ZCWPW2: variants seen among roughly 807,000 people sequenced by gnomAD.
ZCWPW2 encodes zinc finger CW-type and PWWP domain containing 2.
Under a neutral mutation model 46.6 loss-of-function variants are expected in ZCWPW2, and 45 were observed. The ratio of observed to expected loss-of-function variants is 0.96; its 90% CI spans 0.76 to 1.24. The LOEUF is 1.24. ZCWPW2 is among the 50% of genes most tolerant of loss of function. ZCWPW2 has a pLI of 0.00. For synonymous variants in ZCWPW2, 152 were observed against 137.1 expected (o/e 1.11, Z -0.76); for missense variants, 429 against 403.9 (o/e 1.06, Z -0.53).
At chr3:28,369,855 G>T (rs1297817032) in intron 1 of ZCWPW2, among the ~76,000 whole-genome samples, 2 of 152,200 alleles carry the variant, frequency 1.3e-5, no homozygotes, top group Non-Finnish European at 2.9e-5. Context: ...CCTCAGCAAT[G>T]GTGGGGGCCC....
intron 9 of ZCWPW2, among the ~76,000 whole-genome samples, chr3:28,523,659 G>T (rs549177230): frequency 6.6e-6 from 1 of 152,072 alleles, no homozygotes; most frequent in South Asian, 2.1e-4. Flanking sequence ...ATTATCTCAG[G>T]CATTTACATC....
At chr3:28,479,383 TA>T (rs1247687321) in intron 5 of ZCWPW2, among the ~76,000 whole-genome samples, 7 of 151,580 alleles carry the variant, frequency 4.6e-5, no homozygotes, top group East Asian at 1.9e-4. Context: ...ACTTCAACTT[TA>T]AAAAAAAACT....
chr3:28,375,584 C>T (rs762189821), intron 1 of ZCWPW2, among the ~76,000 whole-genome samples: 1 of 151,978 alleles, frequency 6.6e-6, no homozygotes, highest in Non-Finnish European at 1.5e-5. Context: ...CTGAAATAAG[C>T]ATACCATGGA....
rs111383620 is a variant in ZCWPW2 at position 28,352,126 on chromosome 3, G to GCACACACACACA, written c.-134+2953_-134+2964dup. Among the ~76,000 whole-genome samples, 108 of 129,702 alleles carry GCACACACACACA rather than the reference G, an allele frequency of 8.3e-4. 1 individual carries two copies. Among genetic ancestry groups the GCACACACACACA allele is most frequent in the African/African-American group, 2.3e-3 (79 of 34,530 alleles). 85.1% of individuals were successfully genotyped at this position (129,702 alleles called of 152,430 possible). ...TCCTTTCCCTCTATCTCAGATGTAT[G>GCACACACACACA]CACACACACACACACACACACACAC... On this transcript the variant is annotated intron_variant, in intron 1 of 9. Transcript: ENST00000383768.
intron 8 of ZCWPW2, 69 bp from the exon 9 acceptor site, chr3:28,520,923 T>C (rs1700705269): frequency 1.9e-6 from 3 of 1,571,090 alleles, no homozygotes; most frequent in South Asian, 1.2e-5. Context: ...TTCTGGGTAG[T>C]TAAGATTATG....
At chr3:28,523,792 G>T (rs1464849986) in intron 9 of ZCWPW2, among the ~76,000 whole-genome samples, 1 of 151,974 alleles carries the variant, frequency 6.6e-6, no homozygotes, top group Non-Finnish European at 1.5e-5. Flanking sequence ...TCCTAATTAT[G>T]TTCTTCTTAA....
rs753159242 is a variant in ZCWPW2 at position 28,520,996 on chromosome 3, C to T, written c.789C>T (p.Val263=). 2 of 1,612,854 alleles carry T rather than the reference C, an allele frequency of 1.2e-6. No homozygotes were observed. The highest frequency in any genetic ancestry group is 1.3e-5 in the African/African-American group (1 of 74,824). ...GTATTAATCCTGTTTTTTTAGTTGT[C>T]TGTGAGACGGAAGTTTTACTAAAAG... ...DDALSKENRV[V]CETEVLLKEL... is the part of the protein sequence containing the mutation. The change falls in exon 9 of 10, where the codon GTC becomes GTT. Residue 263 remains valine (V), a synonymous_variant. Coordinates refer to ENST00000383768, the MANE Select transcript of ZCWPW2 (RefSeq NM_001040432.4).
At chr3:28,489,594 T>G (rs1160703172) in intron 5 of ZCWPW2, among the ~76,000 whole-genome samples, 2 of 152,014 alleles carry the variant, frequency 1.3e-5, no homozygotes, top group Non-Finnish European at 2.9e-5. Context: ...ATATAATCAC[T>G]AAAGTGTTTT....
chr3:28,398,702 G>C (rs1428419643), intron 2 of ZCWPW2, among the ~76,000 whole-genome samples: 2 of 152,156 alleles, frequency 1.3e-5, no homozygotes, highest in African/African-American at 2.4e-5. Context: ...ATTACGGGAG[G>C]AGATGCCGTC....
intron 1 of ZCWPW2, among the ~76,000 whole-genome samples, chr3:28,350,256 A>G (rs1407514508): frequency 2.0e-5 from 3 of 152,230 alleles, no homozygotes; most frequent in African/African-American, 4.8e-5. Context: ...ATCACAAGTT[A>G]TTAGAAATAA....
At chr3:28,520,800 T>C (rs1414832997) in intron 8 of ZCWPW2, among the ~76,000 whole-genome samples, 192 bp from the exon 9 acceptor site, 2 of 152,240 alleles carry the variant, frequency 1.3e-5, no homozygotes, top group Admixed American at 1.3e-4. Context: ...CAAGGAAGAA[T>C]TGTAAAAGAC....
intron 2 of ZCWPW2, among the ~76,000 whole-genome samples, chr3:28,400,132 AAAATGCTCTGG>A (rs756167040): frequency 3.9e-5 from 6 of 152,190 alleles, no homozygotes; most frequent in Non-Finnish European, 5.9e-5. Context: ...ATAGAAATGC[AAAATGCTCTGG>A]AAAGTCTCAG....
chr3:28,506,684 C>A (rs180835510), intron 6 of ZCWPW2, among the ~76,000 whole-genome samples: 3 of 152,204 alleles, frequency 2.0e-5, no homozygotes, highest in Admixed American at 2.0e-4. Flanking sequence ...ATACAGATTT[C>A]TATCCTATAT....
chr3:28,358,429 A>G (rs1159511194), intron 1 of ZCWPW2, among the ~76,000 whole-genome samples: 1 of 152,130 alleles, frequency 6.6e-6, no homozygotes, highest in Non-Finnish European at 1.5e-5. Flanking sequence ...AATGTCTTGG[A>G]TTATCATTGA....
At chr3:28,385,102 T>C (rs1036925456) in intron 1 of ZCWPW2, among the ~76,000 whole-genome samples, 2 of 152,238 alleles carry the variant, frequency 1.3e-5, no homozygotes, top group Non-Finnish European at 2.9e-5. Flanking sequence ...GGGGGACATA[T>C]TAAGATGATC....
At chr3:28,377,331 A>G (rs959147295) in intron 1 of ZCWPW2, among the ~76,000 whole-genome samples, 10 of 152,222 alleles carry the variant, frequency 6.6e-5, no homozygotes, top group African/African-American at 1.7e-4. Flanking sequence ...AACAATCATT[A>G]TGCAGTTCTC....
At chr3:28,446,362 A>T (rs990739907) in intron 4 of ZCWPW2, among the ~76,000 whole-genome samples, 2 of 152,156 alleles carry the variant, frequency 1.3e-5, no homozygotes, top group African/African-American at 4.8e-5. Flanking sequence ...TAGAAATAAT[A>T]ACAGGTAAAA....
At chr3:28,389,139 G>T (rs1195537069) in intron 1 of ZCWPW2, among the ~76,000 whole-genome samples, 1 of 152,096 alleles carries the variant, frequency 6.6e-6, no homozygotes, top group Non-Finnish European at 1.5e-5. Context: ...GACAGAGCAT[G>T]GCATCTTGGG....
intron 5 of ZCWPW2, among the ~76,000 whole-genome samples, chr3:28,482,558 T>A (rs1300470220): frequency 6.6e-6 from 1 of 152,178 alleles, no homozygotes; most frequent in Non-Finnish European, 1.5e-5. Context: ...ATGTTCAAAT[T>A]TTAAAGAAAC....
Sources: allele counts gnomAD v4.1 joint callset (sites outside exome capture counted in the v4.1 genomes callset), GRCh38; gene constraint gnomAD v4.1.1; transcripts MANE v1.5; gene names NCBI Gene and HGNC (gene_info 2026-07-23, HGNC 2026-07-21).